The following PEX5L variants were observed in gnomAD, a reference collection of about 807,000 sequenced individuals.
PEX5L encodes PEX5-related protein.
PEX5L carries 30 observed loss-of-function variants against 84.0 expected under a neutral mutation model. The observed-to-expected ratio is 0.36, with a 90% confidence interval of 0.27 to 0.48. The LOEUF (loss-of-function observed/expected upper bound fraction) is 0.48, where lower values mean the gene tolerates loss of function less well. Among genes scored for constraint, PEX5L ranks in the 20% least tolerant of loss-of-function variants. The pLI, the probability that PEX5L is intolerant of heterozygous loss-of-function variation, is 0.99. For missense variants in PEX5L, 533 were observed against 754.6 expected (o/e 0.71, Z 3.44); for synonymous variants, 270 against 283.1 (o/e 0.95, Z 0.46).
At chr3:179,807,598 T>C in intron 14 of PEX5L, 76 bp downstream of exon 14, 1 of 1,427,746 alleles carries the variant, frequency 7.0e-7, no homozygotes, top group Non-Finnish European at 9.6e-7. Context: ...GCATTTTTAC[T>C]TGGAAACAAC....
intron 5 of PEX5L, among the ~76,000 whole-genome samples, chr3:179,877,014 A>G (rs1752653783): frequency 6.6e-6 from 1 of 152,238 alleles, no homozygotes; most frequent in African/African-American, 2.4e-5. Flanking sequence ...AGGTAATTTT[A>G]TAAAGTATTT....
chr3:179,904,691 G>A (rs1265106302), intron 2 of PEX5L, among the ~76,000 whole-genome samples: 1 of 152,150 alleles, frequency 6.6e-6, no homozygotes, highest in Non-Finnish European at 1.5e-5. Context: ...AGTCCATTTT[G>A]GGGGGTTCTG....
At chr3:179,856,471 C>G (rs919196738) in intron 8 of PEX5L, among the ~76,000 whole-genome samples, 1 of 152,160 alleles carries the variant, frequency 6.6e-6, no homozygotes, top group Non-Finnish European at 1.5e-5. Context: ...AATATTGCAA[C>G]TTTCAAGTTA....
At chr3:180,023,890 C>T (rs1015404953) in intron 1 of PEX5L, among the ~76,000 whole-genome samples, 2 of 148,704 alleles carry the variant, frequency 1.3e-5, no homozygotes, top group South Asian at 2.1e-4. Flanking sequence ...TACCTAGCAC[C>T]TTGGTAGAGG....
intron 2 of PEX5L, among the ~76,000 whole-genome samples, chr3:179,934,255 G>A (rs777541105): frequency 2.0e-4 from 31 of 152,284 alleles, no homozygotes; most frequent in Non-Finnish European, 1.3e-4. Flanking sequence ...TGCACAAGTG[G>A]ATATGGCAAG....
chr3:180,003,655 G>A (rs1788620680), intron 1 of PEX5L, among the ~76,000 whole-genome samples: 1 of 151,992 alleles, frequency 6.6e-6, no homozygotes. Flanking sequence ...TGATACAACC[G>A]TTCTTCAATT....
intron 7 of PEX5L, among the ~76,000 whole-genome samples, chr3:179,866,762 C>A (rs1333028318): frequency 6.6e-6 from 1 of 151,870 alleles, no homozygotes; most frequent in African/African-American, 2.4e-5. Context: ...CGGTGGCTCA[C>A]GCCTGTAATC....
intron 2 of PEX5L, among the ~76,000 whole-genome samples, chr3:179,946,681 G>A (rs1423300674): frequency 3.3e-5 from 5 of 152,216 alleles, no homozygotes; most frequent in African/African-American, 4.8e-5. Context: ...ATCCCTGGGC[G>A]TGAAACCTAG....
intron 1 of PEX5L, chr3:179,973,556 T>C (rs755540371): frequency 1.1e-5 from 11 of 970,040 alleles, no homozygotes; most frequent in Non-Finnish European, 1.3e-5. Context: ...TTTACTTCTC[T>C]GCATATGGAC....
At chr3:179,974,921 G>A (rs1052363969) in intron 1 of PEX5L, among the ~76,000 whole-genome samples, 2 of 152,134 alleles carry the variant, frequency 1.3e-5, no homozygotes, top group African/African-American at 2.4e-5. Context: ...TATAGGCCAG[G>A]TATGGTAGCT....
chr3:179,979,314 C>T (rs982617109), intron 1 of PEX5L, among the ~76,000 whole-genome samples: 1 of 151,972 alleles, frequency 6.6e-6, no homozygotes, highest in African/African-American at 2.4e-5. Context: ...TTTCAGCTGG[C>T]ATGTTCTTGT....
At chr3:180,024,241 T>C (rs559321099) in intron 1 of PEX5L, among the ~76,000 whole-genome samples, 46 of 150,986 alleles carry the variant, frequency 3.0e-4, no homozygotes, top group African/African-American at 1.1e-3. Context: ...CGGGCTCACA[T>C]ATAAGAGTAA....
chr3:179,877,167 G>A (rs1361711706), intron 5 of PEX5L, among the ~76,000 whole-genome samples: 2 of 152,138 alleles, frequency 1.3e-5, no homozygotes, highest in African/African-American at 4.8e-5. Context: ...TTTGTGCCTG[G>A]TTTACTTCAC....
chr3:179,795,700 G>T lies in PEX5L; in HGVS notation c.*6128C>A, dbSNP rs1483005458. On this transcript the variant is annotated 3_prime_UTR_variant, in exon 15 of 15. Coordinates refer to ENST00000467460, the MANE Select transcript of PEX5L (RefSeq NM_016559.3). ...TTTCAGCCTGAAAATGAAATCCCAA[G>T]ACTTTAAACATTTATGAGCATGAGG... The T allele has an allele frequency of 6.6e-6, 1 of 152,010 alleles. No individual in the cohort carries two copies. Among genetic ancestry groups the T allele is most frequent in the Non-Finnish European group, 1.5e-5 (1 of 68,006 alleles). The allele number at this position is 152,010 out of a possible 1,614,324, so 9.4% of individuals were successfully genotyped here. A position where few individuals can be genotyped will look rare whatever the true frequency, so the allele number is the denominator to read the frequency against.
intron 2 of PEX5L, among the ~76,000 whole-genome samples, chr3:179,929,673 C>G (rs759897403): frequency 6.6e-6 from 1 of 152,152 alleles, no homozygotes; most frequent in Non-Finnish European, 1.5e-5. Context: ...TCCCTGTGGA[C>G]GTTAAGATCA....
Position 179,888,029 on chromosome 3 carries a change from C to A in PEX5L, c.199-245G>T, listed in dbSNP as rs77612856. Reference sequence around the variant, plus strand: ...GTTTAAAGCTCAAGCCTTTCCTCCCCCCTCCTGAAATATGATTATTCTCTA... The same window carrying A: ...GTTTAAAGCTCAAGCCTTTCCTCCCACCTCCTGAAATATGATTATTCTCTA... On this transcript the variant is annotated intron_variant, in intron 3 of 14. Coordinates refer to ENST00000467460, the MANE Select transcript of PEX5L (RefSeq NM_016559.3). 8.1e-4 allele frequency: 704 copies of A among 871,214 alleles called. 4 individuals carry two copies. In the African/African-American group the frequency reaches 0.011, roughly 14 times the overall value. 54.0% of individuals were successfully genotyped at this position (871,214 alleles called of 1,614,324 possible).
chr3:179,994,660 T>G (rs780137599), intron 1 of PEX5L, among the ~76,000 whole-genome samples: 1 of 152,064 alleles, frequency 6.6e-6, no homozygotes, highest in Non-Finnish European at 1.5e-5. Context: ...GGATGCAAAG[T>G]ATTGATCCTG....
rs9819234 is a variant in PEX5L, at chr3:179,933,730, A to G, written c.94-35484T>C. On this transcript the variant is annotated intron_variant, in intron 2 of 14. Coordinates refer to ENST00000467460, the MANE Select transcript of PEX5L (RefSeq NM_016559.3). Reference sequence around the variant, plus strand: ...CAGGAGCTCCATTAACATTTGTTGAATGAATGAAGTTTCACTTTAAATTAA... The same window carrying G: ...CAGGAGCTCCATTAACATTTGTTGAGTGAATGAAGTTTCACTTTAAATTAA... Among the ~76,000 whole-genome samples, 1,518 of 152,322 alleles carry G rather than the reference A, an allele frequency of 1.0e-2. 23 individuals carry two copies. The highest frequency in any genetic ancestry group is 0.035 in the African/African-American group (1,450 of 41,560).
intron 2 of PEX5L, among the ~76,000 whole-genome samples, chr3:179,947,710 C>CTTTTTT (rs34097310): frequency 7.2e-6 from 1 of 139,372 alleles, no homozygotes; most frequent in South Asian, 2.2e-4. Flanking sequence ...AAAAAAGTTA[C>CTTTTTT]TTTTTTTTTT....
Sources: allele counts gnomAD v4.1 joint callset (sites outside exome capture counted in the v4.1 genomes callset), GRCh38; gene constraint gnomAD v4.1.1; transcripts MANE v1.5; gene names NCBI Gene and HGNC (gene_info 2026-07-23, HGNC 2026-07-21).